The following CHRM3 variants were observed in gnomAD, a reference collection of about 807,000 sequenced individuals.
CHRM3 encodes cholinergic receptor muscarinic 3, also known as muscarinic acetylcholine receptor M3.
A neutral mutation model predicts 41.8 loss-of-function variants in CHRM3; 11 were observed. That is an observed-to-expected ratio of 0.26 (90% CI 0.17 to 0.44). CHRM3 has a LOEUF of 0.44. CHRM3 is among the 20% of genes least tolerant of loss of function. CHRM3 has a pLI of 1.00. For missense variants in CHRM3, 571 were observed against 745.4 expected (o/e 0.77, Z 2.72); for synonymous variants, 297 against 301.4 (o/e 0.99, Z 0.15).
chr1:239,834,143 C>T (rs1450850147), intron 6 of CHRM3, among the ~76,000 whole-genome samples: 1 of 123,028 alleles, frequency 8.1e-6, no homozygotes, highest in South Asian at 3.1e-4. Context: ...CTGTATAATT[C>T]CACATCACAC....
At chr1:239,404,348 AAG>A (rs1348608889) in intron 1 of CHRM3, among the ~76,000 whole-genome samples, 16 of 100,112 alleles carry the variant, frequency 1.6e-4, no homozygotes, top group South Asian at 8.1e-4. Context: ...AAGAAAGAGA[AAG>A]AGAAAGAAAG....
rs1667840150 is a variant in CHRM3 at position 239,495,790 on chromosome 1, G to A, written c.-422+2983G>A. Among the ~76,000 whole-genome samples the A allele has an allele frequency of 2.0e-5, 3 of 152,254 alleles. No individual in the cohort carries two copies. In the South Asian group the frequency reaches 6.2e-4, roughly 32 times the overall value. On this transcript the variant is annotated intron_variant, in intron 2 of 6. Transcript: ENST00000676153. ...TTTAGTAAGCACTCAATATATATTA[G>A]TTATTATTACTGTTATTGTTCATTC...
intron 3 of CHRM3, chr1:239,546,470 G>C (rs1572668993): frequency 1.3e-5 from 2 of 152,212 alleles, no homozygotes; most frequent in South Asian, 2.1e-4. Context: ...CAAGTAGAGA[G>C]CTGGAAAAAG....
chr1:239,400,021 C>T (rs769655259), intron 1 of CHRM3, among the ~76,000 whole-genome samples: 2 of 152,126 alleles, frequency 1.3e-5, no homozygotes, highest in African/African-American at 4.8e-5. Flanking sequence ...AAGCGATTCT[C>T]CTGCCTCAGC....
intron 1 of CHRM3, among the ~76,000 whole-genome samples, chr1:239,473,076 A>G (rs1456672015): frequency 6.6e-6 from 1 of 152,050 alleles, no homozygotes; most frequent in Non-Finnish European, 1.5e-5. Context: ...GCTATGTATA[A>G]ACACAATGAA....
At chr1:239,589,114 A>G (rs866962029) in intron 3 of CHRM3, among the ~76,000 whole-genome samples, 4 of 152,020 alleles carry the variant, frequency 2.6e-5, no homozygotes, top group South Asian at 4.2e-4. Context: ...TTGTATTTTT[A>G]GTAGAGACAG....
At chr1:239,407,417 T>TATATATATATATATAGAGAGAGAGAGAG in intron 1 of CHRM3, among the ~76,000 whole-genome samples, 12 of 134,204 alleles carry the variant, frequency 8.9e-5, no homozygotes, top group South Asian at 7.1e-4. Flanking sequence ...TATATATATA[T>TATATATATATATATAGAGAGAGAGAGAG]AGAGAGAGAG....
intron 3 of CHRM3, among the ~76,000 whole-genome samples, chr1:239,618,819 G>C (rs1668013069): frequency 7.0e-6 from 1 of 142,696 alleles, no homozygotes. Context: ...ACTCCAGCCT[G>C]GGAGACAGAG....
chr1:239,889,222 G>A (rs567057904), intron 6 of CHRM3, among the ~76,000 whole-genome samples: 21 of 152,274 alleles, frequency 1.4e-4, no homozygotes, highest in African/African-American at 2.6e-4. Flanking sequence ...CATAGAGCAC[G>A]GAAGATTGGT....
At chr1:239,804,171 C>T (rs1016402810) in intron 5 of CHRM3, among the ~76,000 whole-genome samples, 6 of 152,060 alleles carry the variant, frequency 3.9e-5, no homozygotes, top group South Asian at 4.1e-4. Context: ...TTTACAAAAT[C>T]GACAGTCTTT....
chr1:239,389,692 T>C (rs1341179600), intron 1 of CHRM3, among the ~76,000 whole-genome samples: 1 of 152,244 alleles, frequency 6.6e-6, no homozygotes, highest in African/African-American at 2.4e-5. Flanking sequence ...AGTTGCCTTA[T>C]GTATTTGTAA....
At chr1:239,875,533 G>C (rs1246105533) in intron 6 of CHRM3, among the ~76,000 whole-genome samples, 1 of 152,174 alleles carries the variant, frequency 6.6e-6, no homozygotes, top group African/African-American at 2.4e-5. Flanking sequence ...ACCATTCTCA[G>C]CTCACAGGCT....
chr1:239,426,887 AAG>A (rs979543127), intron 1 of CHRM3, among the ~76,000 whole-genome samples: 21 of 152,134 alleles, frequency 1.4e-4, no homozygotes, highest in African/African-American at 5.1e-4. Flanking sequence ...GAACAGGTGA[AAG>A]AGAGGAATTG....
chr1:239,681,512 A>G (rs1386311399), intron 5 of CHRM3, among the ~76,000 whole-genome samples: 1 of 152,208 alleles, frequency 6.6e-6, no homozygotes, highest in East Asian at 1.9e-4. Context: ...ATGATCAGTG[A>G]AAGACTATAA....
At chr1:239,393,459 TCACATGCCCGATAA>T (rs1659219595) in intron 1 of CHRM3, among the ~76,000 whole-genome samples, 1 of 152,162 alleles carries the variant, frequency 6.6e-6, no homozygotes. Flanking sequence ...CTGTGCTTTC[TCACATGCCCGATAA>T]CACATGCCAC....
chr1:239,390,028 G>A (rs1658885514), intron 1 of CHRM3, among the ~76,000 whole-genome samples: 1 of 152,126 alleles, frequency 6.6e-6, no homozygotes, highest in Non-Finnish European at 1.5e-5. Flanking sequence ...ATCATATGAT[G>A]ACTAATAGCA....
chr1:239,429,641 T>G (rs146889975), intron 1 of CHRM3, among the ~76,000 whole-genome samples: 30 of 152,302 alleles, frequency 2.0e-4, no homozygotes, highest in African/African-American at 6.3e-4. Flanking sequence ...TTTCAGTGCT[T>G]TGCTCCCTTA....
chr1:239,708,723 T>C (rs1401751206), intron 5 of CHRM3, among the ~76,000 whole-genome samples: 1 of 148,440 alleles, frequency 6.7e-6, no homozygotes, highest in Non-Finnish European at 1.5e-5. Context: ...TTGTTTCTTC[T>C]GGTTTAAATT....
intron 3 of CHRM3, among the ~76,000 whole-genome samples, chr1:239,608,542 G>A (rs1158624580): frequency 6.6e-6 from 1 of 151,958 alleles, no homozygotes; most frequent in East Asian, 1.9e-4. Context: ...TTACATAGAA[G>A]GAAGTGCCAT....
Sources: gnomAD v4.1 joint callset for allele counts (sites outside exome capture counted in the v4.1 genomes callset) on GRCh38, gnomAD v4.1.1 for gene constraint, MANE v1.5 for transcripts, NCBI Gene and HGNC (gene_info 2026-07-23, HGNC 2026-07-21) for gene names.